Variants in OGA observed in about 807,000 individuals in gnomAD.
The protein encoded by OGA is protein O-GlcNAcase.
In OGA, 21 loss-of-function variants were observed where a neutral mutation model predicts 102.0. The observed-to-expected ratio is 0.21, with a 90% CI of 0.15 to 0.30. The LOEUF (loss-of-function observed/expected upper bound fraction) is 0.30. Among genes scored for constraint, OGA ranks in the 10% least tolerant of loss-of-function variants. The pLI is 1.00. For missense variants in OGA, 765 were observed against 1,107.8 expected, an observed-to-expected ratio of 0.69 and a Z score of 4.39; for synonymous variants, 408 against 378.2, an observed-to-expected ratio of 1.08 and a Z score of -0.91.
At position 101,818,304 on chromosome 10, in the gene OGA, G is replaced by A. The variant is rs1051195809; in HGVS notation, c.-282C>T. On this transcript the variant is annotated 5_prime_UTR_variant, in exon 1 of 16. Coordinates refer to ENST00000361464, the MANE Select transcript of OGA (RefSeq NM_012215.5). ...GCGAGGCTGTGACCTCTCGTTCCCT[G>A]GAAGAAGACGGCCAAGGGTCCTGTC... is the stretch of plus-strand genomic sequence containing the variant. The A allele has an allele frequency of 9.9e-6, 12 of 1,213,602 alleles. No homozygotes were observed. The African/African-American group carries it at 1.9e-4, about 19-fold the overall frequency. The allele number at this position is 1,213,602 out of a possible 1,614,324, so 75.2% of individuals were successfully genotyped here. A position where few individuals can be genotyped will look rare whatever the true frequency, so the allele number is the denominator to read the frequency against.
rs777328265 is a variant in OGA at position 101,798,140 on chromosome 10, C to T, written c.1824G>A (p.Arg608=). Residue 608 remains arginine (R), a synonymous_variant, in exon 10 of 16, where the codon CGG becomes CGA. Transcript: ENST00000361464. ...GKDSEKIEEW[R]SRAAKFEEMC... ...TCTCTTCAAACTTGGCTGCTCGTGA[C>T]CGCCATTCTTCAATCTATTGAAGAT... 1 of 1,613,808 alleles carries T rather than the reference C, an allele frequency of 6.2e-7. No individual in the cohort carries two copies. Among genetic ancestry groups the T allele is most frequent in the African/African-American group, 1.3e-5 (1 of 74,870 alleles).
chr10:101,812,921 T>C (rs1192581521), intron 3 of OGA, 109 bp downstream of exon 3: 1 of 907,016 alleles, frequency 1.1e-6, no homozygotes, highest in South Asian at 1.3e-5. Context: ...AAAAGGAAAC[T>C]ACCTACAAAA....
At chr10:101,797,731 T>C in intron 10 of OGA, 1 of 587,840 alleles carries the variant, frequency 1.7e-6, no homozygotes. Flanking sequence ...TTAAAGTCAG[T>C]ACTTTCTAAC....
rs2065536803 is a variant in OGA at position 101,810,278 on chromosome 10, T to C, written c.386A>G (p.Tyr129Cys). 2.5e-6 allele frequency: 4 copies of C among 1,612,510 alleles called. No individual in the cohort carries two copies. The highest frequency in any genetic ancestry group is 2.2e-5 in the East Asian group (1 of 44,862). The part of the protein sequence containing the change: ...LMTLISAARE[Y>C]EIEFIYAISP... ...GATCGCATAGATGAACTCTATCTCA[T>C]ATTCTCGTGCAGCAGAGATGAGAGT... The change falls in exon 4 of 16, where the codon TAT becomes TGT. Residue 129 changes from tyrosine to cysteine, a missense_variant. Around this residue, in one of 7 missense-constraint regions of OGA, gnomAD observed 165 missense variants for 249.7 expected, o/e 0.66. Coordinates refer to ENST00000361464, the MANE Select transcript of OGA (RefSeq NM_012215.5).
chr10:101,799,747 A>T (rs1279739089), intron 8 of OGA, among the ~76,000 whole-genome samples: 1 of 152,250 alleles, frequency 6.6e-6, no homozygotes, highest in East Asian at 1.9e-4. Context: ...TTTAAGAGAA[A>T]TTAGCATTCC....
chr10:101,791,396 A>G lies in OGA; in HGVS notation c.2219T>C (p.Val740Ala). Reference sequence around the variant, plus strand: ...AGGCTGACTTTGAAAGGGTAAACCCACTCCATCGTCATACATTTCTCTGCA... The same window carrying G: ...AGGCTGACTTTGAAAGGGTAAACCCGCTCCATCGTCATACATTTCTCTGCA... The part of the protein sequence containing the change: ...KICREMYDDG[V>A]GLPFQSQPDL... The change falls in exon 13 of 16, where the codon GTG becomes GCG. Residue 740 changes from valine to alanine, a missense_variant. Physicochemically the swap from Val to Ala is moderately conservative, Grantham distance 64. This residue lies in a region of OGA where 146 missense variants were observed against 269.7 expected (regional missense o/e 0.54). Transcript: ENST00000361464. 6.2e-7 allele frequency: 1 copy of G among 1,614,084 alleles called. No homozygotes were observed.
At chr10:101,808,048 A>T (rs1589837299) in intron 4 of OGA, 147 bp from the exon 5 acceptor site, 3 of 768,690 alleles carry the variant, frequency 3.9e-6, no homozygotes, top group East Asian at 6.5e-5. Context: ...TCAATTAAAA[A>T]ATCGTAAGTT....
chr10:101,792,369 G>A (rs2065269853), intron 12 of OGA, among the ~76,000 whole-genome samples: 1 of 152,120 alleles, frequency 6.6e-6, no homozygotes, highest in African/African-American at 2.4e-5. Context: ...TTGAACTCCT[G>A]ACCTCAGGTG....
Position 101,818,231 on chromosome 10 carries a change from A to T in OGA, c.-209T>A, listed in dbSNP as rs1368551060. On this transcript the variant is annotated 5_prime_UTR_variant, in exon 1 of 16. Coordinates refer to ENST00000361464, the MANE Select transcript of OGA (RefSeq NM_012215.5). ...GCGGCACCGGCGCGAGCCCTTTGTCAGCCGCAGCCTCGGCTTTAAGCTGGG... is the reference window on the plus strand; with the variant it reads ...GCGGCACCGGCGCGAGCCCTTTGTCTGCCGCAGCCTCGGCTTTAAGCTGGG... 2.2e-6 allele frequency: 3 copies of T among 1,340,446 alleles called. No individual in the cohort carries two copies. Among genetic ancestry groups the T allele is most frequent in the Non-Finnish European group, 2.9e-6 (3 of 1,049,452 alleles). The allele number at this position is 1,340,446 out of a possible 1,614,324, so 83.0% of individuals were successfully genotyped here. A position where few individuals can be genotyped will look rare whatever the true frequency, so the allele number is the denominator to read the frequency against.
intron 9 of OGA, 121 bp from the exon 10 acceptor site, chr10:101,798,275 T>C: frequency 1.1e-6 from 1 of 879,992 alleles, no homozygotes; most frequent in Non-Finnish European, 1.7e-6. Context: ...ACCATTAAAG[T>C]ATCATTTTGT....
At chr10:101,790,262 C>CTTTTTTTT (rs2065242315) in intron 14 of OGA, among the ~76,000 whole-genome samples, 1 of 125,432 alleles carries the variant, frequency 8.0e-6, no homozygotes, top group African/African-American at 3.1e-5. Flanking sequence ...ACCATAATAT[C>CTTTTTTTT]TTGTTTTTTT....
In OGA at chr10:101,813,572, T is replaced by C; in HGVS notation, c.234A>G (p.Arg78=). ...AGATTTACCTTCTAAAGAGTTCTTT[T>C]CTCTGTTCCATAACCCAAGGTCTTC... The part of the protein sequence containing the change: ...FYGRPWVMEQ[R]KELFRRLQKW... The change falls in exon 2 of 16, where the codon AGA becomes AGG. Residue 78 remains arginine, a synonymous_variant. Coordinates refer to ENST00000361464, the MANE Select transcript of OGA (RefSeq NM_012215.5). 1 of 1,556,338 alleles carries C rather than the reference T, an allele frequency of 6.4e-7. No individual in the cohort carries two copies. Among genetic ancestry groups the C allele is most frequent in the Non-Finnish European group, 8.8e-7 (1 of 1,134,044 alleles).
At chr10:101,802,851 C>T (rs1400492299) in intron 7 of OGA, among the ~76,000 whole-genome samples, 1 of 146,928 alleles carries the variant, frequency 6.8e-6, no homozygotes, top group Non-Finnish European at 1.5e-5. Context: ...AGACTGTATT[C>T]CATTCGGCCA....
chr10:101,813,010 G>C lies in OGA; in HGVS notation c.349+20C>G. 1 of 1,531,372 alleles carries C rather than the reference G, an allele frequency of 6.5e-7. No individual in the cohort carries two copies. Among genetic ancestry groups the C allele is most frequent in the Non-Finnish European group, 9.0e-7 (1 of 1,111,036 alleles). The allele number at this position is 1,531,372 out of a possible 1,614,324, so 94.9% of individuals were successfully genotyped here. A position where few individuals can be genotyped will look rare whatever the true frequency, so the allele number is the denominator to read the frequency against. Reference sequence around the variant, plus strand: ...TTTCTTCACAGATTTTGAATTTATGGATAAAAAGAAAAAGATTACCAGCTT... The same window carrying C: ...TTTCTTCACAGATTTTGAATTTATGCATAAAAAGAAAAAGATTACCAGCTT... On this transcript the variant is annotated intron_variant, in intron 3 of 15. Coordinates refer to ENST00000361464, the MANE Select transcript of OGA (RefSeq NM_012215.5).
intron 12 of OGA, among the ~76,000 whole-genome samples, chr10:101,791,992 A>C (rs565770171): frequency 6.6e-5 from 10 of 151,542 alleles, no homozygotes; most frequent in Admixed American, 3.3e-4. Context: ...ACGCCCAGCT[A>C]ATTTAGTATT....
At chr10:101,788,442 A>G (rs1358003088) in intron 14 of OGA, among the ~76,000 whole-genome samples, 1 of 150,318 alleles carries the variant, frequency 6.7e-6, no homozygotes, top group Non-Finnish European at 1.5e-5. Context: ...AAAAAAAAAA[A>G]AGTTTTCTGG....
rs563828326 is a variant in OGA, at chr10:101,795,757, G to T, written c.1985-1759C>A. ...TTGGCTTCCCTGGGCCACACTGGAA[G>T]AACTGTCTTGGGCCACACATAAAAT... On this transcript the variant is annotated intron_variant, in intron 10 of 15. Coordinates refer to ENST00000361464, the MANE Select transcript of OGA (RefSeq NM_012215.5). 1.8e-4 allele frequency: 58 copies of T among 320,946 alleles called. 1 individual carries two copies. The highest frequency in any genetic ancestry group is 1.2e-3 in the African/African-American group (54 of 44,556). 19.9% of individuals were successfully genotyped at this position (320,946 alleles called of 1,614,324 possible).
Position 101,792,914 on chromosome 10 carries a change from A to G in OGA, c.2100T>C (p.Asp700=), listed in dbSNP as rs1165070721. ...TCAGTGGAGGTGGCTGAAAAAAGAG[A>G]TCATTTGCCCCATCAATTGGCAGCA... ...QRLLPIDGAN[D]LFFQPPPLTP... Residue 700 remains aspartate (D), a synonymous_variant, in exon 12 of 16, where the codon GAT becomes GAC. Coordinates refer to ENST00000361464, the MANE Select transcript of OGA (RefSeq NM_012215.5). 1.2e-6 allele frequency: 2 copies of G among 1,613,902 alleles called. No homozygotes were observed. Among genetic ancestry groups the G allele is most frequent in the South Asian group, 2.2e-5 (2 of 91,072 alleles).
intron 2 of OGA, 50 bp downstream of exon 2, chr10:101,813,505 A>T: frequency 8.5e-7 from 1 of 1,171,504 alleles, no homozygotes; most frequent in Non-Finnish European, 1.2e-6. Flanking sequence ...ACAAAAGAAA[A>T]TGTTAAGAGT....
Sources: allele counts gnomAD v4.1 joint callset (sites outside exome capture counted in the v4.1 genomes callset), GRCh38; gene constraint gnomAD v4.1.1; regional missense constraint gnomAD v4.1.1; transcripts MANE v1.5; gene names NCBI Gene and HGNC (gene_info 2026-07-23, HGNC 2026-07-21).